Variants in SEMA6D observed in about 807,000 individuals in gnomAD.
SEMA6D encodes the protein semaphorin 6D.
Under a neutral mutation model 106.6 loss-of-function variants are expected in SEMA6D, and 35 were observed. That is an observed-to-expected ratio of 0.33 (90% CI 0.25 to 0.44). SEMA6D has a LOEUF of 0.44. Among genes scored for constraint, SEMA6D ranks in the 20% least tolerant of loss-of-function variants. SEMA6D has a pLI of 1.00. For synonymous variants in SEMA6D, 499 were observed against 487.7 expected (o/e 1.02, Z -0.31); for missense variants, 1,185 against 1,345.9 (o/e 0.88, Z 1.87).
chr15:47,514,204 GT>G (rs376456489), intron 3 of SEMA6D, among the ~76,000 whole-genome samples: 13 of 152,204 alleles, frequency 8.5e-5, no homozygotes, highest in African/African-American at 1.2e-4. Context: ...CTTCCTCTAT[GT>G]TTTTTCCTGG....
At position 47,761,170 on chromosome 15, in the gene SEMA6D, C is replaced by T. The variant is rs200866177; in HGVS notation, c.295C>T (p.Arg99Ter). ...EVIPNKKLTW[R>*]SRQQDRENCA... is the part of the protein sequence containing the mutation. ...TTGATTAATACAGAAACTGACATGG[C>T]GATCAAGACAACAGGATCGAGAAAA... Residue 99 changes from arginine (R) to a stop codon, truncating the protein, a stop_gained, in exon 5 of 19, where the codon CGA becomes TGA. Coordinates refer to ENST00000536845, the MANE Select transcript of SEMA6D (RefSeq NM_001358351.3). LOFTEE classifies it high-confidence loss of function. 6.2e-7 allele frequency: 1 copy of T among 1,613,590 alleles called. No homozygotes were observed. The highest frequency in any genetic ancestry group is 8.5e-7 in the Non-Finnish European group (1 of 1,179,760).
chr15:47,754,529 C>A (rs1383786177), intron 1 of SEMA6D, among the ~76,000 whole-genome samples: 1 of 152,060 alleles, frequency 6.6e-6, no homozygotes, highest in African/African-American at 2.4e-5. Context: ...ATTTTTCTTG[C>A]TTTTTGGAAG....
chr15:47,511,556 A>G (rs986183153), intron 3 of SEMA6D, among the ~76,000 whole-genome samples: 48 of 152,222 alleles, frequency 3.2e-4, no homozygotes, highest in African/African-American at 1.2e-3. Flanking sequence ...ATATCTTGAC[A>G]CTATTGTCTC....
chr15:47,371,958 G>A (rs995209164), intron 1 of SEMA6D, among the ~76,000 whole-genome samples: 1 of 152,188 alleles, frequency 6.6e-6, no homozygotes, highest in Non-Finnish European at 1.5e-5. Context: ...GTCCAGTAAC[G>A]TGTTTAAGGT....
At chr15:47,204,197 T>A (rs987912032) in intron 1 of SEMA6D, among the ~76,000 whole-genome samples, 1 of 152,212 alleles carries the variant, frequency 6.6e-6, no homozygotes, top group African/African-American at 2.4e-5. Context: ...TTCAAAAGCA[T>A]TGAAGCCAAA....
intron 3 of SEMA6D, among the ~76,000 whole-genome samples, chr15:47,542,506 T>C (rs542462442): frequency 6.6e-6 from 1 of 152,282 alleles, no homozygotes; most frequent in South Asian, 2.1e-4. Context: ...TTGGCCAAGC[T>C]TATGTACAAC....
rs183836508 is a variant in SEMA6D, at chr15:47,645,223, T to G, written c.-55+44327T>G. ...ATGCTTTAGTCCCTTATTGGAAACA[T>G]CTTTAAGGAAACAGTCAAGTTGTGG... On this transcript the variant is annotated intron_variant, in intron 4 of 19. Coordinates refer to the SEMA6D transcript ENST00000558014. 5.3e-5 allele frequency among the ~76,000 whole-genome samples: 8 copies of G among 152,292 alleles called. No individual in the cohort carries two copies. In the East Asian group the frequency reaches 1.4e-3, roughly 26 times the overall value.
At chr15:47,586,595 A>C (rs962827255) in intron 3 of SEMA6D, among the ~76,000 whole-genome samples, 3 of 152,218 alleles carry the variant, frequency 2.0e-5, no homozygotes, top group Non-Finnish European at 4.4e-5. Context: ...AAATGGTCTC[A>C]TATCCTATCA....
chr15:47,238,792 C>G (rs756268940), intron 1 of SEMA6D, among the ~76,000 whole-genome samples: 1 of 152,108 alleles, frequency 6.6e-6, no homozygotes, highest in African/African-American at 2.4e-5. Context: ...GAGTGGCCGA[C>G]AAGTCATCTG....
At chr15:47,428,301 C>G (rs281232) in intron 2 of SEMA6D, among the ~76,000 whole-genome samples, 80,806 of 151,872 alleles carry the variant, frequency 0.53, 21,825 homozygotes, top group South Asian at 0.63. Context: ...GTTTTACAAG[C>G]CCATTGTAGG....
chr15:47,611,877 G>A (rs2076912773), intron 4 of SEMA6D, among the ~76,000 whole-genome samples: 1 of 152,296 alleles, frequency 6.6e-6, no homozygotes, highest in Admixed American at 6.5e-5. Flanking sequence ...TTGAAGTGGA[G>A]CCAGTGCCCG....
intron 4 of SEMA6D, among the ~76,000 whole-genome samples, chr15:47,613,246 A>G (rs2076945776): frequency 6.6e-6 from 1 of 152,218 alleles, no homozygotes; most frequent in African/African-American, 2.4e-5. Context: ...GTGGAAGGGT[A>G]GGTTTGAGCC....
chr15:47,213,771 G>A (rs928001459), intron 1 of SEMA6D, among the ~76,000 whole-genome samples: 3 of 152,094 alleles, frequency 2.0e-5, no homozygotes, highest in Admixed American at 1.3e-4. Flanking sequence ...TGTAGCAGAA[G>A]GTCTTAACCA....
intron 2 of SEMA6D, among the ~76,000 whole-genome samples, chr15:47,470,184 C>A (rs1211856989): frequency 2.0e-5 from 3 of 152,058 alleles, no homozygotes; most frequent in Admixed American, 2.0e-4. Context: ...CTACGGTGTG[C>A]CTTGGTGTTA....
intron 1 of SEMA6D, among the ~76,000 whole-genome samples, chr15:47,289,312 C>T (rs1595650660): frequency 2.1e-5 from 3 of 145,864 alleles, no homozygotes; most frequent in South Asian, 2.2e-4. Flanking sequence ...GAGAATCGCT[C>T]GAACCTAGGA....
At chr15:47,196,087 C>G (rs1894332465) in intron 1 of SEMA6D, among the ~76,000 whole-genome samples, 1 of 151,320 alleles carries the variant, frequency 6.6e-6, no homozygotes, top group South Asian at 2.1e-4. Context: ...TGATATTCAT[C>G]CAGCATAGCC....
intron 1 of SEMA6D, among the ~76,000 whole-genome samples, chr15:47,232,526 GGTGT>G (rs60261871): frequency 0.41 from 60,476 of 147,676 alleles, 12,387 homozygotes; most frequent in East Asian, 0.68. Context: ...ATGGGGGGAG[GGTGT>G]GTGTGTGTGT....
intron 1 of SEMA6D, among the ~76,000 whole-genome samples, chr15:47,288,796 G>A (rs1387008560): frequency 2.6e-5 from 4 of 152,134 alleles, no homozygotes; most frequent in Admixed American, 6.5e-5. Context: ...GTCTGTGACC[G>A]TCCTTCCACC....
At chr15:47,638,025 A>T (rs2077421557) in intron 4 of SEMA6D, among the ~76,000 whole-genome samples, 1 of 152,184 alleles carries the variant, frequency 6.6e-6, no homozygotes, top group Non-Finnish European at 1.5e-5. Context: ...TTGACCAAAA[A>T]CATGAAGGGA....
Sources: allele counts gnomAD v4.1 joint callset (sites outside exome capture counted in the v4.1 genomes callset), GRCh38; gene constraint gnomAD v4.1.1; transcripts MANE v1.5; gene names NCBI Gene and HGNC (gene_info 2026-07-23, HGNC 2026-07-21).